The following PGM3 variants were observed in gnomAD, a reference collection of about 807,000 sequenced individuals.
The protein encoded by PGM3 is phosphoglucomutase 3, also known as phosphoacetylglucosamine mutase.
A neutral mutation model predicts 66.2 loss-of-function variants in PGM3; 40 were observed. That is an observed-to-expected ratio of 0.60 (90% confidence interval 0.47 to 0.79). PGM3 has a LOEUF of 0.79. PGM3 is among the 30% of genes least tolerant of loss of function. The probability of loss-of-function intolerance (pLI) is 0.00; values close to 1 mark genes in which losing one functional copy is unlikely to be tolerated. For synonymous variants in PGM3, 191 were observed against 224.2 expected (o/e 0.85, Z 1.32); for missense variants, 537 against 643.4 (o/e 0.83, Z 1.79).
downstream of PGM3, chr6:83,162,968 A>G: frequency 6.5e-7 from 1 of 1,550,306 alleles, no homozygotes; most frequent in Non-Finnish European, 8.8e-7. Flanking sequence ...TACATGTTGC[A>G]TTAGTGAGGT....
At position 83,178,713 on chromosome 6, in the gene PGM3, G is replaced by T; in HGVS notation, c.989C>A (p.Ala330Glu). The change falls in exon 8 of 13, where the codon GCA becomes GAA. Residue 330 changes from alanine to glutamate, a missense_variant. Ala to Glu is a moderately radical substitution (Grantham distance 107, BLOSUM62 -1). Transcript: ENST00000513973. ...AAGATACCGTGTTGAACTTCCATTT[G>T]CATATGCAGTTTGTACAACACCAAT... is the stretch of plus-strand genomic sequence containing the variant. ...LNIGVVQTAY[A>E]NGSSTRYLEE... 1 of 1,605,892 alleles carries T rather than the reference G, an allele frequency of 6.2e-7. No homozygotes were observed. The highest frequency in any genetic ancestry group is 8.5e-7 in the Non-Finnish European group (1 of 1,172,774).
chr6:83,181,936 A>C lies in PGM3; in HGVS notation c.592-5T>G. On this transcript the variant is annotated splice_polypyrimidine_tract_variant and splice_region_variant and intron_variant, in intron 5 of 12. Coordinates refer to ENST00000513973, the MANE Select transcript of PGM3 (RefSeq NM_015599.3). ...TTCATCTCCACTGCAAGAAGCCTAC[A>C]AAGGAAAAAGACACATGGAAGAAAA... 1.9e-6 allele frequency: 3 copies of C among 1,571,448 alleles called. No homozygotes were observed. The highest frequency in any genetic ancestry group is 2.6e-6 in the Non-Finnish European group (3 of 1,163,724).
intron 10 of PGM3, among the ~76,000 whole-genome samples, chr6:83,173,642 G>A (rs977078403): frequency 6.6e-6 from 1 of 152,106 alleles, no homozygotes; most frequent in African/African-American, 2.4e-5. Flanking sequence ...TAATTGAATC[G>A]CTTTCCTCTA....
At chr6:83,177,390 G>T (rs574190121) in intron 8 of PGM3, among the ~76,000 whole-genome samples, 5 of 152,038 alleles carry the variant, frequency 3.3e-5, no homozygotes, top group South Asian at 2.1e-4. Flanking sequence ...GTCACCTGGT[G>T]GACACCGGGG....
At chr6:83,184,851 G>A (rs569716798) in intron 4 of PGM3, among the ~76,000 whole-genome samples, 1 of 152,106 alleles carries the variant, frequency 6.6e-6, no homozygotes, top group African/African-American at 2.4e-5. Context: ...ATCTGGAATA[G>A]AGCCCAAGTT....
chr6:83,175,902 T>C (rs1026968839), intron 9 of PGM3, 60 bp downstream of exon 9: 10 of 840,158 alleles, frequency 1.2e-5, no homozygotes, highest in African/African-American at 5.0e-5. Context: ...CTCCCAGATA[T>C]AGAAGTCTCA....
At chr6:83,176,126 G>C in intron 8 of PGM3, 66 bp from the exon 9 acceptor site, 1 of 870,664 alleles carries the variant, frequency 1.1e-6, no homozygotes, top group Non-Finnish European at 2.0e-6. Context: ...TGCATACCTA[G>C]TATCCCAGAG....
At chr6:83,155,104 G>T in the PGM3 span, among the ~76,000 whole-genome samples, 2 of 152,116 alleles carry the variant, frequency 1.3e-5, no homozygotes, top group Non-Finnish European at 2.9e-5. Flanking sequence ...TATACAAGGT[G>T]AAACTAAAGA....
intron 3 of PGM3, 51 bp downstream of exon 3, chr6:83,188,563 T>C (rs1788778295): frequency 7.2e-7 from 1 of 1,381,638 alleles, no homozygotes. Flanking sequence ...TACAATCGTT[T>C]ATATCACGTT....
At chr6:83,156,601 C>T (rs186377470), downstream of PGM3, among the ~76,000 whole-genome samples, 3 of 152,240 alleles carry the variant, frequency 2.0e-5, no homozygotes, top group Admixed American at 6.5e-5. Flanking sequence ...CGTGTCATCA[C>T]CCTGTACCAC....
At chr6:83,190,107 C>T (rs1010079676) in intron 2 of PGM3, among the ~76,000 whole-genome samples, 1 of 152,138 alleles carries the variant, frequency 6.6e-6, no homozygotes, top group Non-Finnish European at 1.5e-5. Context: ...ATGTGTTGAG[C>T]GTACGTCTTA....
rs1366838529 is a variant in PGM3, at chr6:83,174,427, T to C, written c.1189A>G (p.Lys397Glu). The change falls in exon 10 of 13, where the codon AAG becomes GAG. Residue 397 changes from lysine to glutamate, a missense_variant. Lys to Glu is a moderately conservative substitution (Grantham distance 56). Transcript: ENST00000513973. Reference sequence around the variant, plus strand: ...AGCATCTTAGCAGCTTTTCTTTTCTTATCTTCCAGTTGTTCTGCTGATTGT... The same window carrying C: ...AGCATCTTAGCAGCTTTTCTTTTCTCATCTTCCAGTTGTTCTGCTGATTGT... ...IKQSAEQLEDKKRKAAKMLEN... is the reference protein window; with the variant it reads ...IKQSAEQLEDEKRKAAKMLEN... 6.2e-7 allele frequency: 1 copy of C among 1,609,642 alleles called. No individual in the cohort carries two copies. The highest frequency in any genetic ancestry group is 8.5e-7 in the Non-Finnish European group (1 of 1,177,454).
At chr6:83,176,704 T>C (rs1314717311) in intron 8 of PGM3, among the ~76,000 whole-genome samples, 1 of 152,116 alleles carries the variant, frequency 6.6e-6, no homozygotes, top group Non-Finnish European at 1.5e-5. Flanking sequence ...AGATTGATAG[T>C]AGAAAAACTG....
chr6:83,188,480 G>A (rs1788769129), intron 3 of PGM3, 134 bp downstream of exon 3: 1 of 667,872 alleles, frequency 1.5e-6, no homozygotes, highest in South Asian at 2.0e-5. Flanking sequence ...CTACTAGAAA[G>A]GCCAGGCAGG....
chr6:83,177,714 G>A (rs1256933152), intron 8 of PGM3, among the ~76,000 whole-genome samples: 16 of 152,148 alleles, frequency 1.1e-4, no homozygotes, highest in Admixed American at 1.0e-3. Flanking sequence ...ATTTTAATAA[G>A]AGTCATGCTA....
At chr6:83,179,127 A>G (rs967345946) in intron 7 of PGM3, among the ~76,000 whole-genome samples, 1 of 152,096 alleles carries the variant, frequency 6.6e-6, no homozygotes, top group African/African-American at 2.4e-5. Context: ...CCTGGCCAAC[A>G]TGGTGAAACC....
chr6:83,189,616 G>A (rs373721245), intron 2 of PGM3, among the ~76,000 whole-genome samples: 1 of 152,118 alleles, frequency 6.6e-6, no homozygotes, highest in Non-Finnish European at 1.5e-5. Flanking sequence ...TAGCTACAAA[G>A]GCAAAAATCC....
intron 10 of PGM3, among the ~76,000 whole-genome samples, chr6:83,173,687 T>C (rs1245298524): frequency 6.6e-6 from 1 of 152,128 alleles, no homozygotes; most frequent in East Asian, 1.9e-4. Context: ...CAAACGACAC[T>C]CCAACCCCAA....
the PGM3 span, chr6:83,152,178 CATATACATATAT>C: frequency 1.5e-4 from 115 of 754,522 alleles, no homozygotes; most frequent in African/African-American, 1.7e-3. Flanking sequence ...TATATATATA[CATATACATATAT>C]ATATACATAT....
Sources: allele counts gnomAD v4.1 joint callset (sites outside exome capture counted in the v4.1 genomes callset), GRCh38; gene constraint gnomAD v4.1.1; transcripts MANE v1.5; gene names NCBI Gene and HGNC (gene_info 2026-07-23, HGNC 2026-07-21).